Variants in ACSL5 observed in about 807,000 individuals in gnomAD.
The protein encoded by ACSL5 is acyl-CoA synthetase long chain family member 5.
A neutral mutation model predicts 84.9 loss-of-function variants in ACSL5; 50 were observed. The observed-to-expected ratio is 0.59, with a 90% CI of 0.47 to 0.75. The LOEUF is 0.75. ACSL5 is among the 30% of genes least tolerant of loss of function. The pLI, the probability that ACSL5 is intolerant of heterozygous loss-of-function variation, is 0.00. For missense variants in ACSL5, 775 were observed against 830.4 expected, an observed-to-expected ratio of 0.93 and a Z score of 0.82; for synonymous variants, 280 against 300.7, an observed-to-expected ratio of 0.93 and a Z score of 0.71.
chr10:112,416,291 G>A (rs1844311838), intron 12 of ACSL5, among the ~76,000 whole-genome samples: 1 of 152,082 alleles, frequency 6.6e-6, no homozygotes, highest in African/African-American at 2.4e-5. Context: ...CTAACATGGT[G>A]AAACCCTGTC....
At chr10:112,410,200 G>C (rs887863554) in intron 7 of ACSL5, 1 of 1,484,082 alleles carries the variant, frequency 6.7e-7, no homozygotes, top group Non-Finnish European at 9.0e-7. Flanking sequence ...TAGGGCCCTA[G>C]ATGACTGAAA....
At chr10:112,417,086 C>T in intron 13 of ACSL5, 64 bp downstream of exon 13, 2 of 1,552,076 alleles carry the variant, frequency 1.3e-6, no homozygotes, top group Non-Finnish European at 1.8e-6. Context: ...ACTCCTTAGA[C>T]CTTGCTTTTC....
chr10:112,404,596 T>C, intron 4 of ACSL5, 21 bp downstream of exon 4: 4 of 1,610,644 alleles, frequency 2.5e-6, no homozygotes, highest in Non-Finnish European at 3.4e-6. Context: ...TCCATGTTTT[T>C]AGACAGATTC....
chr10:112,394,087 G>C (rs1262481655), intron 1 of ACSL5, among the ~76,000 whole-genome samples: 2 of 152,204 alleles, frequency 1.3e-5, no homozygotes, highest in Non-Finnish European at 2.9e-5. Context: ...CCTAAAGTTA[G>C]TCTCTCCTAT....
At chr10:112,403,621 T>C (rs1191002750) in intron 3 of ACSL5, among the ~76,000 whole-genome samples, 1 of 152,210 alleles carries the variant, frequency 6.6e-6, no homozygotes, top group Non-Finnish European at 1.5e-5. Context: ...TTTAGCAGTC[T>C]AGGAGAGTGT....
At chr10:112,393,869 C>A (rs1365108091) in intron 1 of ACSL5, among the ~76,000 whole-genome samples, 1 of 152,214 alleles carries the variant, frequency 6.6e-6, no homozygotes, top group Non-Finnish European at 1.5e-5. Context: ...CCCAAAGCGT[C>A]CATTTACTCT....
chr10:112,413,361 C>T lies in ACSL5; in HGVS notation c.1083+54C>T. 6.3e-6 allele frequency: 10 copies of T among 1,593,912 alleles called. No individual in the cohort carries two copies. In the South Asian group the frequency reaches 1.1e-4, roughly 18 times the overall value. ...TGTGACTTGGGCCTGCACGAAGGAA[C>T]TCTGTACTACTATGAGATTTACTCC... On this transcript the variant is annotated intron_variant, in intron 12 of 20. Transcript: ENST00000354655.
chr10:112,426,245 T>G lies in ACSL5; in HGVS notation c.1738-13T>G, dbSNP rs747922179. 6.2e-7 allele frequency: 1 copy of G among 1,610,136 alleles called. No individual in the cohort carries two copies. The highest frequency in any genetic ancestry group is 2.2e-5 in the East Asian group (1 of 44,872). The stretch of plus-strand genomic sequence containing the variant: ...TCTCTCATGCCCTTGCACCTTTTAT[T>G]TCCTTTCCATAGTCATCCTTAGTAG... On this transcript the variant is annotated splice_polypyrimidine_tract_variant and intron_variant, in intron 18 of 20. Coordinates refer to ENST00000354655, the MANE Select transcript of ACSL5 (RefSeq NM_203379.2).
intron 1 of ACSL5, among the ~76,000 whole-genome samples, chr10:112,385,517 A>T (rs1849431937): frequency 6.6e-6 from 1 of 152,230 alleles, no homozygotes; most frequent in South Asian, 2.1e-4. Flanking sequence ...CCGTTTCATC[A>T]CTGGAATCTG....
chr10:112,376,586 A>G, intron 1 of ACSL5: 3 of 1,227,394 alleles, frequency 2.4e-6, no homozygotes, highest in Non-Finnish European at 3.4e-6. Flanking sequence ...CGGGCACATC[A>G]TGCTGTCTCC....
chr10:112,398,713 A>G (rs1043011349), intron 2 of ACSL5, among the ~76,000 whole-genome samples, 188 bp from the exon 3 acceptor site: 6 of 152,140 alleles, frequency 3.9e-5, no homozygotes, highest in African/African-American at 1.4e-4. Flanking sequence ...CCACTTTCCT[A>G]TTTTCTAAAA....
chr10:112,404,496 A>T lies in ACSL5; in HGVS notation c.266-15A>T. The T allele has an allele frequency of 6.2e-7, 1 of 1,607,168 alleles. No individual in the cohort carries two copies. The highest frequency in any genetic ancestry group is 8.5e-7 in the Non-Finnish European group (1 of 1,174,448). Reference sequence around the variant, plus strand: ...TGCAACTGGAGTTGATTTTCTTTTAATATTATGTTTTTAGACAATGGGCCC... The same window carrying T: ...TGCAACTGGAGTTGATTTTCTTTTATTATTATGTTTTTAGACAATGGGCCC... On this transcript the variant is annotated splice_polypyrimidine_tract_variant and intron_variant, in intron 3 of 20. Transcript: ENST00000354655.
Position 112,413,128 on chromosome 10 carries a change from A to C in ACSL5, c.949-45A>C, listed in dbSNP as rs184332265. On this transcript the variant is annotated intron_variant, in intron 11 of 20. Transcript: ENST00000354655. ...TCCTTCCAAGACAGGTCCCCACTAA[A>C]GGGGTTGTTTGCCTCTAAGCTCTAT... 2.6e-3 allele frequency: 4,182 copies of C among 1,607,306 alleles called. 12 individuals carry two copies. The highest frequency in any genetic ancestry group is 3.3e-3 in the Non-Finnish European group (3,877 of 1,176,598).
intron 10 of ACSL5, 45 bp from the exon 11 acceptor site, chr10:112,411,857 G>T (rs1182193478): frequency 6.5e-7 from 1 of 1,536,760 alleles, no homozygotes; most frequent in Admixed American, 1.7e-5. Flanking sequence ...TTGAAAGTTG[G>T]CATTAATCTC....
intron 11 of ACSL5, chr10:112,412,180 G>A (rs1844193497): frequency 1.7e-6 from 1 of 585,194 alleles, no homozygotes; most frequent in South Asian, 2.2e-5. Context: ...GTCTGCATGT[G>A]TCCAGGGAGG....
intron 20 of ACSL5, among the ~76,000 whole-genome samples, 160 bp from the exon 21 acceptor site, chr10:112,427,058 C>T (rs1844754360): frequency 6.6e-6 from 1 of 152,198 alleles, no homozygotes; most frequent in Non-Finnish European, 1.5e-5. Context: ...TCTCCCTACT[C>T]ATTACTTTCT....
intron 5 of ACSL5, chr10:112,406,796 C>A (rs1183195757): frequency 1.3e-5 from 2 of 152,082 alleles, no homozygotes; most frequent in African/African-American, 4.8e-5. Flanking sequence ...CACATGGTGG[C>A]AGGAAAGAAA....
At chr10:112,409,342 A>G (rs911297561) in intron 6 of ACSL5, 165 bp from the exon 7 acceptor site, 4 of 599,834 alleles carry the variant, frequency 6.7e-6, no homozygotes, top group East Asian at 2.8e-5. Flanking sequence ...TTCATTTATC[A>G]TCAATGGAAT....
chr10:112,385,107 A>G (rs1849424024), intron 1 of ACSL5, among the ~76,000 whole-genome samples: 1 of 152,240 alleles, frequency 6.6e-6, no homozygotes, highest in Non-Finnish European at 1.5e-5. Context: ...TAAAGGTGAT[A>G]AATATAATAG....
Sources: gnomAD v4.1 joint callset for allele counts (sites outside exome capture counted in the v4.1 genomes callset) on GRCh38, gnomAD v4.1.1 for gene constraint, MANE v1.5 for transcripts, NCBI Gene and HGNC (gene_info 2026-07-23, HGNC 2026-07-21) for gene names.